The following KHDRBS1 variants were observed in gnomAD, a reference collection of about 807,000 sequenced individuals.
KHDRBS1 encodes KH domain-containing, RNA-binding, signal transduction-associated protein 1.
Under a neutral mutation model 48.4 loss-of-function variants are expected in KHDRBS1, and 7 were observed. The observed-to-expected ratio is 0.14, with a 90% CI of 0.08 to 0.27. The LOEUF (loss-of-function observed/expected upper bound fraction) is 0.27, where lower values mean the gene tolerates loss of function less well. Ranked by LOEUF, KHDRBS1 falls within the 10% of genes least tolerant of loss-of-function variation. The pLI is 1.00. For synonymous variants in KHDRBS1, 241 were observed against 235.8 expected (o/e 1.02, Z -0.20); for missense variants, 458 against 601.2 (o/e 0.76, Z 2.49).
At chr1:32,060,203 A>G (rs1227723217) in exon 11 of KHDRBS1, 1 of 152,258 alleles carries the variant, frequency 6.6e-6, no homozygotes, top group Non-Finnish European at 1.5e-5. Context: ...TACCTGCTGT[A>G]TAAAGGCTGG....
chr1:32,026,468 T>A (rs1638972488), intron 1 of KHDRBS1, among the ~76,000 whole-genome samples: 1 of 152,226 alleles, frequency 6.6e-6, no homozygotes, highest in Middle Eastern at 3.2e-3. Flanking sequence ...ACTGCTATTC[T>A]TTAAAAAGTT....
intron 7 of KHDRBS1, 76 bp downstream of exon 7, chr1:32,038,695 A>C: frequency 7.2e-7 from 1 of 1,398,216 alleles, no homozygotes; most frequent in Non-Finnish European, 1.0e-6. Flanking sequence ...AGAGATTTAG[A>C]CAGTACAACC....
At chr1:32,042,341 A>G (rs1471619358) in intron 8 of KHDRBS1, among the ~76,000 whole-genome samples, 186 bp from the exon 9 acceptor site, 1 of 152,170 alleles carries the variant, frequency 6.6e-6, no homozygotes, top group African/African-American at 2.4e-5. Context: ...TTCCACTCAA[A>G]ACTGAAAAAT....
chr1:32,044,444 C>G (rs1237186505), downstream of KHDRBS1, among the ~76,000 whole-genome samples: 1 of 152,174 alleles, frequency 6.6e-6, no homozygotes, highest in Non-Finnish European at 1.5e-5. Flanking sequence ...CCTAAGAGAC[C>G]AAGAGAGGAA....
At chr1:32,014,487 T>G (rs988170692) in intron 1 of KHDRBS1, 110 bp downstream of exon 1, 1 of 1,112,888 alleles carries the variant, frequency 9.0e-7, no homozygotes, top group Non-Finnish European at 1.2e-6. Flanking sequence ...CAGTCGGGAG[T>G]TCCGGTCTCA....
intron 4 of KHDRBS1, among the ~76,000 whole-genome samples, chr1:32,034,065 C>T (rs796788886): frequency 1.3e-5 from 2 of 152,166 alleles, no homozygotes; most frequent in African/African-American, 4.8e-5. Flanking sequence ...TAACATACTA[C>T]TGTTGAATAT....
chr1:32,039,016 A>T (rs926931732), intron 7 of KHDRBS1, among the ~76,000 whole-genome samples: 2 of 152,206 alleles, frequency 1.3e-5, no homozygotes, highest in Non-Finnish European at 2.9e-5. Context: ...ATTTTGATTT[A>T]TTATTTTAAA....
intron 4 of KHDRBS1, 50 bp from the exon 5 acceptor site, chr1:32,036,860 A>G (rs1639194247): frequency 6.4e-7 from 1 of 1,550,936 alleles, no homozygotes; most frequent in Non-Finnish European, 8.8e-7. Flanking sequence ...ATGATTTCTC[A>G]GTAGAAAGTG....
At chr1:32,022,889 CAA>C (rs113782158) in intron 1 of KHDRBS1, among the ~76,000 whole-genome samples, 4 of 126,842 alleles carry the variant, frequency 3.2e-5, no homozygotes, top group Non-Finnish European at 1.7e-5. Flanking sequence ...GACCCTGTCT[CAA>C]AAAAAAAAAA....
chr1:32,051,367 C>A (rs898433832), intron 10 of KHDRBS1, among the ~76,000 whole-genome samples: 2 of 152,176 alleles, frequency 1.3e-5, no homozygotes, highest in African/African-American at 4.8e-5. Context: ...GTTATTGATA[C>A]AATTTCTGGC....
chr1:32,019,085 G>A (rs554569898), intron 1 of KHDRBS1, among the ~76,000 whole-genome samples: 5 of 152,034 alleles, frequency 3.3e-5, no homozygotes, highest in African/African-American at 4.8e-5. Context: ...GCGACAGAGC[G>A]AGACTCTGTC....
intron 10 of KHDRBS1, among the ~76,000 whole-genome samples, chr1:32,058,042 C>G (rs1639500033): frequency 6.6e-6 from 1 of 151,558 alleles, no homozygotes; most frequent in Non-Finnish European, 1.5e-5. Flanking sequence ...TGCTTGAACC[C>G]AGGAGGCGGA....
At chr1:32,044,640 T>C (rs1639337689), downstream of KHDRBS1, among the ~76,000 whole-genome samples, 1 of 152,208 alleles carries the variant, frequency 6.6e-6, no homozygotes, top group African/African-American at 2.4e-5. Flanking sequence ...CAAAAAAATG[T>C]ATTTGTAGAT....
At chr1:32,033,768 C>T (rs2124380002) in intron 4 of KHDRBS1, among the ~76,000 whole-genome samples, 1 of 152,252 alleles carries the variant, frequency 6.6e-6, no homozygotes, top group Admixed American at 6.5e-5. Context: ...AAGCTTATAG[C>T]ATCTAGTGTT....
chr1:32,026,887 C>A (rs371161843), intron 1 of KHDRBS1, among the ~76,000 whole-genome samples: 1 of 152,114 alleles, frequency 6.6e-6, no homozygotes, highest in Non-Finnish European at 1.5e-5. Flanking sequence ...CTCTGCCTCC[C>A]GGGTTCCAGC....
chr1:32,041,114 C>T (rs188009994), intron 8 of KHDRBS1, among the ~76,000 whole-genome samples: 1 of 152,216 alleles, frequency 6.6e-6, no homozygotes, highest in African/African-American at 2.4e-5. Flanking sequence ...CCTGATACGA[C>T]GTTGCCACAG....
At position 32,013,940 on chromosome 1, in the gene KHDRBS1, G is replaced by C; in HGVS notation, c.-56G>C. ...CTGCCACCCCCGCCAACCGCCGCTC[G>C]GGCCTCCGTCGCTGCCGCGTCGCTT... On this transcript the variant is annotated 5_prime_UTR_variant, in exon 1 of 9. Transcript: ENST00000327300. 5 of 1,365,082 alleles carry C rather than the reference G, an allele frequency of 3.7e-6. No homozygotes were observed. The highest frequency in any genetic ancestry group is 2.8e-6 in the Non-Finnish European group (3 of 1,061,346). The allele number at this position is 1,365,082 out of a possible 1,614,324, so 84.6% of individuals were successfully genotyped here. A position where few individuals can be genotyped will look rare whatever the true frequency, so the allele number is the denominator to read the frequency against.
At chr1:32,051,789 T>A (rs1298176738) in intron 10 of KHDRBS1, among the ~76,000 whole-genome samples, 1 of 152,194 alleles carries the variant, frequency 6.6e-6, no homozygotes, top group Admixed American at 6.5e-5. Context: ...AAATCCCACC[T>A]CCTGTCCCAG....
intron 4 of KHDRBS1, among the ~76,000 whole-genome samples, chr1:32,034,416 C>T (rs1408861527): frequency 1.3e-5 from 2 of 151,906 alleles, no homozygotes; most frequent in Admixed American, 6.6e-5. Flanking sequence ...CAAAATTAGC[C>T]GGGCGTGGTG....
Sources: gnomAD v4.1 joint callset for allele counts (sites outside exome capture counted in the v4.1 genomes callset) on GRCh38, gnomAD v4.1.1 for gene constraint, MANE v1.5 for transcripts, NCBI Gene and HGNC (gene_info 2026-07-23, HGNC 2026-07-21) for gene names.